LRRC41: variants seen among roughly 807,000 people sequenced by gnomAD.
LRRC41 encodes leucine rich repeat containing 41, also known as leucine-rich repeat-containing protein 41.
A neutral mutation model predicts 72.1 loss-of-function variants in LRRC41; 17 were observed. That is an observed-to-expected ratio of 0.24 (90% CI 0.16 to 0.35). The LOEUF (loss-of-function observed/expected upper bound fraction) is 0.35. Among genes scored for constraint, LRRC41 ranks in the 10% least tolerant of loss-of-function variants. The pLI is 1.00. For missense variants in LRRC41, 759 were observed against 1,065.0 expected (o/e 0.71, Z 4.00); for synonymous variants, 427 against 431.0 (o/e 0.99, Z 0.11).
At chr1:46,288,052 C>T (rs1047036727) in intron 3 of LRRC41, among the ~76,000 whole-genome samples, 2 of 152,148 alleles carry the variant, frequency 1.3e-5, no homozygotes, top group African/African-American at 4.8e-5. Context: ...ATCAGAATTC[C>T]CTGTGGAGCT....
At position 46,285,838 on chromosome 1, in the gene LRRC41, C is replaced by G; in HGVS notation, c.1019G>C (p.Arg340Thr). 1 of 1,592,816 alleles carries G rather than the reference C, an allele frequency of 6.3e-7. No individual in the cohort carries two copies. The change falls in exon 4 of 10, where the codon AGG becomes ACG. Residue 340 changes from arginine (R) to threonine (T), a missense_variant. Arg to Thr is a moderately conservative substitution (Grantham distance 71). This residue lies in a region of LRRC41 where 427 missense variants were observed against 520.9 expected (regional missense o/e 0.82). Coordinates refer to ENST00000617190, the MANE Select transcript of LRRC41 (RefSeq NM_006369.5). The surrounding 1 kb of genome is among the most constrained non-coding windows in gnomAD (Gnocchi z 5.3). ...GGAGGTGGCTGGGGGGTGCAGCTCC[C>G]TCTTAAGGTCTGTTCCGCCTGCTGT... Reference protein sequence around the residue: ...SLTAGGTDLKRELHPPATSHE... With the variant: ...SLTAGGTDLKTELHPPATSHE...
intron 1 of LRRC41, among the ~76,000 whole-genome samples, chr1:46,301,408 A>G (rs560614762): frequency 3.3e-5 from 5 of 151,946 alleles, no homozygotes; most frequent in Non-Finnish European, 7.4e-5. Context: ...GCTCAGCTCT[A>G]CGGAGCCTTT....
At chr1:46,296,141 G>A (rs1046402975) in intron 3 of LRRC41, among the ~76,000 whole-genome samples, 15 of 152,110 alleles carry the variant, frequency 9.9e-5, no homozygotes, top group Admixed American at 2.6e-4. Context: ...CTTGCCGGGC[G>A]AGGTGGCTCA....
intron 5 of LRRC41, 127 bp from the exon 6 acceptor site, chr1:46,280,687 A>G (rs530692391): frequency 1.1e-6 from 1 of 892,376 alleles, no homozygotes; most frequent in South Asian, 1.7e-5. Flanking sequence ...TTGAGTGCCT[A>G]CCATATGTCA....
chr1:46,297,970 G>A (rs1661156726), intron 2 of LRRC41, among the ~76,000 whole-genome samples: 1 of 152,192 alleles, frequency 6.6e-6, no homozygotes, highest in African/African-American at 2.4e-5. Flanking sequence ...AATGTTACCT[G>A]TTAACAGATG....
chr1:46,302,708 C>A lies in LRRC41; in HGVS notation c.199+416G>T. 1 of 985,334 alleles carries A rather than the reference C, an allele frequency of 1.0e-6. No homozygotes were observed. The highest frequency in any genetic ancestry group is 1.2e-6 in the Non-Finnish European group (1 of 829,856). The allele number at this position is 985,334 out of a possible 1,614,324, so 61.0% of individuals were successfully genotyped here. The stretch of plus-strand genomic sequence containing the variant: ...GGGCCTGGCCTGGCCTTGCCTTAGG[C>A]CGGGCCTCCTAACCTCGGCCCCTGC... On this transcript the variant is annotated intron_variant, in intron 1 of 9. Coordinates refer to ENST00000617190, the MANE Select transcript of LRRC41 (RefSeq NM_006369.5). This position sits in a 1 kb window ranked among gnomAD's most constrained non-coding sequence, Gnocchi z 4.7.
Position 46,279,386 on chromosome 1 carries a change from C to T in LRRC41, c.2143+106G>A, listed in dbSNP as rs967184246. On this transcript the variant is annotated intron_variant, in intron 8 of 9. Coordinates refer to ENST00000617190, the MANE Select transcript of LRRC41 (RefSeq NM_006369.5). The surrounding 1 kb of genome is among the most constrained non-coding windows in gnomAD (Gnocchi z 4.5). Reference sequence around the variant, plus strand: ...GCCCCAGCACAGAAATATCTGTATTCCAACTCCCACGTTCCCAGTGGAGAG... The same window carrying T: ...GCCCCAGCACAGAAATATCTGTATTTCAACTCCCACGTTCCCAGTGGAGAG... 4.4e-6 allele frequency: 7 copies of T among 1,589,594 alleles called. No homozygotes were observed. The highest frequency in any genetic ancestry group is 2.2e-5 in the East Asian group (1 of 44,780).
rs1227675246 is a variant in LRRC41, at chr1:46,278,162, C to T, written c.*703G>A. 6 of 1,613,766 alleles carry T rather than the reference C, an allele frequency of 3.7e-6. No homozygotes were observed. The African/African-American group carries it at 8.0e-5, about 22-fold the overall frequency. On this transcript the variant is annotated 3_prime_UTR_variant, in exon 10 of 10. Transcript: ENST00000617190. Reference sequence around the variant, plus strand: ...CTTCAGACCTGGCAGGGTGGAACCACTGCACTGATAAGTGGGGGCTCCGGG... The same window carrying T: ...CTTCAGACCTGGCAGGGTGGAACCATTGCACTGATAAGTGGGGGCTCCGGG...
intron 4 of LRRC41, among the ~76,000 whole-genome samples, chr1:46,283,171 C>T (rs1481299850): frequency 2.0e-5 from 3 of 152,024 alleles, no homozygotes; most frequent in Non-Finnish European, 4.4e-5. Flanking sequence ...ATCAAGACTG[C>T]ATTTTTCAAA....
chr1:46,278,704 A>C lies in LRRC41; in HGVS notation c.*161T>G. The C allele has an allele frequency of 1.4e-6, 1 of 697,764 alleles. No individual in the cohort carries two copies. Among genetic ancestry groups the C allele is most frequent in the South Asian group, 1.9e-5 (1 of 53,216 alleles). The allele number at this position is 697,764 out of a possible 1,614,324, so 43.2% of individuals were successfully genotyped here. A position where few individuals can be genotyped will look rare whatever the true frequency, so the allele number is the denominator to read the frequency against. On this transcript the variant is annotated 3_prime_UTR_variant, in exon 10 of 10. Transcript: ENST00000617190. ...TGAGAATGCCTGTTTGCTGGGCCTC[A>C]TCAAGGCCTCCAGGACCTCAGTGCA...
chr1:46,279,140 C>T lies in LRRC41; in HGVS notation c.2219+42G>A. On this transcript the variant is annotated intron_variant, in intron 9 of 9. Coordinates refer to ENST00000617190, the MANE Select transcript of LRRC41 (RefSeq NM_006369.5). This position sits in a 1 kb window ranked among gnomAD's most constrained non-coding sequence, Gnocchi z 4.5. ...GAAGCAGTGAATTCCTGGTCTATAT[C>T]TCTGTAGCCCCATCCCTTGTCTTGC... The T allele has an allele frequency of 6.2e-7, 1 of 1,612,062 alleles. No homozygotes were observed.
chr1:46,291,552 GTTTTTTT>G (rs1219656700), intron 3 of LRRC41, among the ~76,000 whole-genome samples: 8 of 84,942 alleles, frequency 9.4e-5, no homozygotes, highest in African/African-American at 2.8e-4. Context: ...GCCCCAGCTG[GTTTTTTT>G]TTTTTTTTTT....
intron 4 of LRRC41, among the ~76,000 whole-genome samples, chr1:46,283,876 G>A (rs1557713780): frequency 6.6e-6 from 1 of 152,078 alleles, no homozygotes; most frequent in African/African-American, 2.4e-5. Context: ...ATCTTGGCCA[G>A]GCTGGTCTTG....
At chr1:46,287,473 T>A (rs975341662) in intron 3 of LRRC41, among the ~76,000 whole-genome samples, 1 of 152,152 alleles carries the variant, frequency 6.6e-6, no homozygotes, top group African/African-American at 2.4e-5. Flanking sequence ...AGCTTCCTGA[T>A]TGCTTTCCCT....
chr1:46,291,410 C>CTGTA (rs1661012877), intron 3 of LRRC41, among the ~76,000 whole-genome samples: 1 of 152,084 alleles, frequency 6.6e-6, no homozygotes, highest in African/African-American at 2.4e-5. Flanking sequence ...TCATAGCTCA[C>CTGTA]TGTAGCCTTG....
In LRRC41 at chr1:46,278,880, A is replaced by G. The variant is rs769513945; in HGVS notation, c.2424T>C (p.Tyr808=). 5.0e-6 allele frequency: 8 copies of G among 1,610,930 alleles called. No individual in the cohort carries two copies. The highest frequency in any genetic ancestry group is 1.1e-5 in the South Asian group (1 of 90,860). Residue 808 remains tyrosine, a synonymous_variant, in exon 10 of 10, where the codon TAT becomes TAC. Transcript: ENST00000617190. ...ACGGGCCCCATCACATGGTGCTAAC[A>G]TAATCTGCGAAGGCCTGGGATGAGT... is the stretch of plus-strand genomic sequence containing the variant. The part of the protein sequence containing the change: ...SWDSSQAFAD[Y]VSTM
chr1:46,301,922 C>T (rs1178995412), intron 1 of LRRC41: 2 of 982,606 alleles, frequency 2.0e-6, no homozygotes, highest in Non-Finnish European at 2.4e-6. Context: ...CCAGCAGCCT[C>T]TCAGGCCCGA....
intron 5 of LRRC41, 93 bp from the exon 6 acceptor site, chr1:46,280,653 AATT>A: frequency 7.6e-7 from 1 of 1,317,534 alleles, no homozygotes; most frequent in Non-Finnish European, 1.1e-6. Context: ...TCATCTAAAA[AATT>A]ATTTATTCAT....
chr1:46,291,620 C>G (rs6673740), intron 3 of LRRC41, among the ~76,000 whole-genome samples: 7 of 141,678 alleles, frequency 4.9e-5, no homozygotes, highest in Non-Finnish European at 1.1e-4. Context: ...AGTGCAATGG[C>G]ACAATCTTGG....
Sources: gnomAD v4.1 joint callset for allele counts (sites outside exome capture counted in the v4.1 genomes callset) on GRCh38, gnomAD v4.1.1 for gene constraint, gnomAD v4.1.1 regional missense constraint, Gnocchi (gnomAD v3.1) non-coding constraint, MANE v1.5 for transcripts, NCBI Gene and HGNC (gene_info 2026-07-23, HGNC 2026-07-21) for gene names.